PDCD5: variants seen among roughly 807,000 people sequenced by gnomAD.
PDCD5 encodes the protein programmed cell death protein 5.
Under a neutral mutation model 21.9 loss-of-function variants are expected in PDCD5, and 23 were observed. The ratio of observed to expected loss-of-function variants is 1.05; its 90% CI spans 0.76 to 1.49. The LOEUF is 1.49. PDCD5 is among the 40% of genes most tolerant of loss of function. The probability of loss-of-function intolerance (pLI) is 0.00; values close to 1 mark genes in which losing one functional copy is unlikely to be tolerated. For missense variants in PDCD5, 152 were observed against 147.7 expected, an observed-to-expected ratio of 1.03 and a Z score of -0.15; for synonymous variants, 45 against 49.4, an observed-to-expected ratio of 0.91 and a Z score of 0.37.
At chr19:32,582,087 T>A (rs1283846391) in intron 1 of PDCD5, 108 bp from the exon 2 acceptor site, 3 of 757,544 alleles carry the variant, frequency 4.0e-6, no homozygotes, top group Non-Finnish European at 6.8e-6. Flanking sequence ...TGGGGAGTTG[T>A]TTCTACCACC....
Position 32,587,358 on chromosome 19 carries a change from T to G in PDCD5, c.*58T>G. ...AACAAGTCTAGGACAGAAGTTAAGA[T>G]CTGATTATTTACTTTGTTTATTGTC... is the stretch of plus-strand genomic sequence containing the variant. On this transcript the variant is annotated 3_prime_UTR_variant, in exon 6 of 6. Transcript: ENST00000590247. The G allele has an allele frequency of 8.6e-7, 1 of 1,168,590 alleles. No homozygotes were observed. Among genetic ancestry groups the G allele is most frequent in the East Asian group, 2.4e-5 (1 of 42,318 alleles). The allele number at this position is 1,168,590 out of a possible 1,614,324, so 72.4% of individuals were successfully genotyped here. A position where few individuals can be genotyped will look rare whatever the true frequency, so the allele number is the denominator to read the frequency against.
At chr19:32,587,084 G>A (rs1444159371) in intron 5 of PDCD5, 155 bp downstream of exon 5, 6 of 822,208 alleles carry the variant, frequency 7.3e-6, no homozygotes, top group Non-Finnish European at 9.7e-6. Flanking sequence ...TCTGTTGGGG[G>A]AGGGTTCTAA....
intron 1 of PDCD5, 114 bp from the exon 2 acceptor site, chr19:32,582,081 G>A: frequency 1.4e-6 from 1 of 716,748 alleles, no homozygotes; most frequent in Non-Finnish European, 2.5e-6. Context: ...CTTATTTGGG[G>A]AGTTGTTTCT....
At chr19:32,582,026 G>A (rs1225004377) in intron 1 of PDCD5, among the ~76,000 whole-genome samples, 169 bp from the exon 2 acceptor site, 1 of 152,146 alleles carries the variant, frequency 6.6e-6, no homozygotes. Context: ...TCATCAAAAC[G>A]TTGTAAGTGG....
chr19:32,587,340 CT>C lies in PDCD5; in HGVS notation c.*41del. On this transcript the variant is annotated 3_prime_UTR_variant, in exon 6 of 6. Transcript: ENST00000590247. ...CAGACTAGAACTTAACGGAACAAGTCTAGGACAGAAGTTAAGATCTGATTAT... is the reference window on the plus strand; with the variant it reads ...CAGACTAGAACTTAACGGAACAAGTCAGGACAGAAGTTAAGATCTGATTAT... The C allele has an allele frequency of 7.2e-7, 1 of 1,397,114 alleles. No homozygotes were observed. The highest frequency in any genetic ancestry group is 1.0e-6 in the Non-Finnish European group (1 of 990,752). The allele number at this position is 1,397,114 out of a possible 1,614,324, so 86.5% of individuals were successfully genotyped here.
At chr19:32,583,281 A>G (rs185559122) in intron 2 of PDCD5, among the ~76,000 whole-genome samples, 14 of 151,926 alleles carry the variant, frequency 9.2e-5, no homozygotes, top group East Asian at 5.8e-4. Context: ...ACTGCATGGC[A>G]TATTTATTTA....
At chr19:32,586,989 G>T in intron 5 of PDCD5, 60 bp downstream of exon 5, 1 of 1,320,760 alleles carries the variant, frequency 7.6e-7, no homozygotes, top group South Asian at 1.3e-5. Context: ...GATTAATGTT[G>T]AGTATACATC....
intron 4 of PDCD5, chr19:32,586,331 G>A (rs1312990002): frequency 3.8e-6 from 5 of 1,302,722 alleles, no homozygotes; most frequent in Non-Finnish European, 4.9e-6. Context: ...CCTGGCCTTT[G>A]AGATCAAGAC....
At chr19:32,586,565 C>T in intron 4 of PDCD5, 1 of 1,142,948 alleles carries the variant, frequency 8.7e-7, no homozygotes, top group Non-Finnish European at 1.1e-6. Context: ...GTGGTTGTCA[C>T]ACTCAGCTAG....
At chr19:32,586,612 GT>G in intron 4 of PDCD5, 1 of 1,232,980 alleles carries the variant, frequency 8.1e-7, no homozygotes, top group Non-Finnish European at 1.0e-6. Context: ...TTAGCTTTCA[GT>G]TTTCCTGAGG....
chr19:32,584,813 A>T (rs926871261), intron 2 of PDCD5, 137 bp from the exon 3 acceptor site: 2 of 719,508 alleles, frequency 2.8e-6, no homozygotes, highest in Non-Finnish European at 5.1e-6. Context: ...AGCCTTATGT[A>T]CAGCAACTAC....
intron 2 of PDCD5, 114 bp downstream of exon 2, chr19:32,582,346 T>A: frequency 1.2e-6 from 1 of 852,384 alleles, no homozygotes. Flanking sequence ...GCTGGAATGG[T>A]GATTTGGCCA....
In PDCD5 at chr19:32,581,192, T is replaced by G; in HGVS notation, c.-70T>G. On this transcript the variant is annotated 5_prime_UTR_variant, in exon 1 of 6. Transcript: ENST00000590247. Reference sequence around the variant, plus strand: ...CTGGGCCCCGCGAGCGCCTGCGCAGTGGTCAAGGCCGCGCTCGCGCCGAGG... The same window carrying G: ...CTGGGCCCCGCGAGCGCCTGCGCAGGGGTCAAGGCCGCGCTCGCGCCGAGG... 9.0e-7 allele frequency: 1 copy of G among 1,106,368 alleles called. No homozygotes were observed. Among genetic ancestry groups the G allele is most frequent in the Non-Finnish European group, 1.2e-6 (1 of 829,104 alleles). The allele number at this position is 1,106,368 out of a possible 1,614,324, so 68.5% of individuals were successfully genotyped here. A position where few individuals can be genotyped will look rare whatever the true frequency, so the allele number is the denominator to read the frequency against.
chr19:32,581,211 G>A lies in PDCD5; in HGVS notation c.-51G>A. 11 of 1,369,774 alleles carry A rather than the reference G, an allele frequency of 8.0e-6. No homozygotes were observed. The highest frequency in any genetic ancestry group is 2.4e-5 in the Admixed American group (1 of 41,158). The allele number at this position is 1,369,774 out of a possible 1,614,324, so 84.9% of individuals were successfully genotyped here. On this transcript the variant is annotated 5_prime_UTR_variant, in exon 1 of 6. Coordinates refer to ENST00000590247, the MANE Select transcript of PDCD5 (RefSeq NM_004708.4). ...GCGCAGTGGTCAAGGCCGCGCTCGC[G>A]CCGAGGGGCTGCGAGAGTGACCGCG...
At chr19:32,583,036 C>T (rs1218171714) in intron 2 of PDCD5, among the ~76,000 whole-genome samples, 1 of 152,182 alleles carries the variant, frequency 6.6e-6, no homozygotes, top group Non-Finnish European at 1.5e-5. Context: ...TATCTGAAAT[C>T]AGGATGCCTT....
chr19:32,581,314 A>G lies in PDCD5; in HGVS notation c.53A>G (p.Gln18Arg). 1.3e-6 allele frequency: 2 copies of G among 1,522,562 alleles called. No homozygotes were observed. Among genetic ancestry groups the G allele is most frequent in the Non-Finnish European group, 8.8e-7 (1 of 1,139,250 alleles). The allele number at this position is 1,522,562 out of a possible 1,614,324, so 94.3% of individuals were successfully genotyped here. The change falls in exon 1 of 6, where the codon CAG becomes CGG. Residue 18 changes from glutamine (Q) to arginine (R), a missense_variant. Gln to Arg is a conservative substitution (Grantham distance 43). Coordinates refer to ENST00000590247, the MANE Select transcript of PDCD5 (RefSeq NM_004708.4). ...ALRRQRLAELQAKHGDPGDAA... is the reference protein window; with the variant it reads ...ALRRQRLAELRAKHGDPGDAA... ...AGGAGACAGAGGCTGGCCGAGCTGCAGGCCAAACACGGGGTGAGCGCATCA... is the reference window on the plus strand; with the variant it reads ...AGGAGACAGAGGCTGGCCGAGCTGCGGGCCAAACACGGGGTGAGCGCATCA...
rs1342880778 is a variant in PDCD5, at chr19:32,586,868, A to T, written c.269A>T (p.Gln90Leu). The T allele has an allele frequency of 1.2e-6, 2 of 1,610,006 alleles. No individual in the cohort carries two copies. The highest frequency in any genetic ancestry group is 1.7e-6 in the Non-Finnish European group (2 of 1,178,976). ...TTCTGGTTCTCCTAGGTATCAGAACAAGGTTTAATAGAAATCCTTAAAAAA... is the reference window on the plus strand; with the variant it reads ...TTCTGGTTCTCCTAGGTATCAGAACTAGGTTTAATAGAAATCCTTAAAAAA... ...YGQLSEKVSE[Q>L]GLIEILKKVS... The change falls in exon 5 of 6, where the codon CAA (glutamine) becomes CTA (leucine). Residue 90 changes from glutamine to leucine, a missense_variant. By Grantham distance (113) the Gln-to-Leu change is moderately radical (BLOSUM62 -2). Transcript: ENST00000590247.
intron 1 of PDCD5, chr19:32,581,623 T>A: frequency 3.3e-6 from 1 of 306,894 alleles, no homozygotes. Context: ...AAGCACAATC[T>A]CAGCTTTTGG....
intron 3 of PDCD5, 101 bp downstream of exon 3, chr19:32,585,112 G>A: frequency 1.1e-6 from 1 of 879,722 alleles, no homozygotes; most frequent in Non-Finnish European, 1.9e-6. Context: ...ATTTGCTTAG[G>A]CTGAAAACAC....
Sources: allele counts gnomAD v4.1 joint callset (sites outside exome capture counted in the v4.1 genomes callset), GRCh38; gene constraint gnomAD v4.1.1; transcripts MANE v1.5; gene names NCBI Gene and HGNC (gene_info 2026-07-23, HGNC 2026-07-21).